SLC8A1: variants seen among roughly 807,000 people sequenced by gnomAD.
SLC8A1 encodes the protein sodium/calcium exchanger 1.
A neutral mutation model predicts 68.3 loss-of-function variants in SLC8A1; 18 were observed. That is an observed-to-expected ratio of 0.26 (90% CI 0.18 to 0.39). The LOEUF (loss-of-function observed/expected upper bound fraction) is 0.39, where lower values mean the gene tolerates loss of function less well. Ranked by LOEUF, SLC8A1 falls within the 10% of genes least tolerant of loss-of-function variation. SLC8A1 has a pLI of 1.00. For synonymous variants in SLC8A1, 475 were observed against 415.5 expected (o/e 1.14, Z -1.74); for missense variants, 985 against 1,156.7 (o/e 0.85, Z 2.15).
intron 1 of SLC8A1, among the ~76,000 whole-genome samples, chr2:40,443,107 G>C (rs1485148633): frequency 6.6e-6 from 1 of 152,086 alleles, no homozygotes; most frequent in Non-Finnish European, 1.5e-5. Context: ...CTTTCTGAGG[G>C]GTTGGGGGCA....
intron 2 of SLC8A1, among the ~76,000 whole-genome samples, chr2:40,313,587 G>T (rs1326260185): frequency 6.6e-6 from 1 of 151,854 alleles, no homozygotes; most frequent in African/African-American, 2.4e-5. Flanking sequence ...TTTTTTTAAT[G>T]AGACAGGTTC....
At chr2:40,500,880 A>G (rs1479185916) in intron 1 of SLC8A1, among the ~76,000 whole-genome samples, 1 of 135,542 alleles carries the variant, frequency 7.4e-6, no homozygotes, top group Admixed American at 8.9e-5. Context: ...GAACTTTTAC[A>G]AAGGTAAACT....
At chr2:40,213,157 T>A (rs1264953423) in intron 2 of SLC8A1, 1 of 152,242 alleles carries the variant, frequency 6.6e-6, no homozygotes, top group Non-Finnish European at 1.5e-5. Flanking sequence ...ACATTTCATG[T>A]CAAATTTCCA....
intron 6 of SLC8A1, among the ~76,000 whole-genome samples, chr2:40,147,038 A>G (rs1351848780): frequency 6.6e-6 from 1 of 152,242 alleles, no homozygotes; most frequent in Non-Finnish European, 1.5e-5. Context: ...AGCTTAAGCC[A>G]TTATGGTCTT....
At chr2:40,456,050 C>T (rs1702990419), upstream of SLC8A1, among the ~76,000 whole-genome samples, 1 of 152,216 alleles carries the variant, frequency 6.6e-6, no homozygotes, top group Non-Finnish European at 1.5e-5. Flanking sequence ...GGCGCGGTGG[C>T]TCACGCCTGT....
At chr2:40,400,151 C>A (rs1189796869) in intron 2 of SLC8A1, among the ~76,000 whole-genome samples, 2 of 152,188 alleles carry the variant, frequency 1.3e-5, no homozygotes, top group Non-Finnish European at 2.9e-5. Context: ...GAATTGCTCA[C>A]TCGGTGAGCT....
intron 2 of SLC8A1, among the ~76,000 whole-genome samples, chr2:40,197,904 C>T (rs2148683531): frequency 3.8e-5 from 2 of 53,070 alleles, no homozygotes; most frequent in South Asian, 8.6e-4. Context: ...AATGACTGTC[C>T]AGAAATGCTC....
chr2:40,310,078 G>A (rs967092458), intron 2 of SLC8A1, among the ~76,000 whole-genome samples: 59 of 152,048 alleles, frequency 3.9e-4, no homozygotes, highest in Admixed American at 3.8e-3. Flanking sequence ...TTTGTGTTTG[G>A]CTTCTTTCAC....
intron 2 of SLC8A1, among the ~76,000 whole-genome samples, chr2:40,388,441 C>T (rs956656889): frequency 1.2e-4 from 18 of 152,206 alleles, no homozygotes; most frequent in African/African-American, 4.3e-4. Flanking sequence ...AGAGAAAATA[C>T]TGAAGAGCAT....
rs150430418 is a variant in SLC8A1 at position 40,239,763 on chromosome 2, T to A, written c.1809-61908A>T. Among the ~76,000 whole-genome samples the A allele has an allele frequency of 4.7e-4, 72 of 152,340 alleles. 1 individual carries two copies. The East Asian group carries it at 0.013, about 27-fold the overall frequency. ...AAATTCTGAATGTGAATACCTGAATTTTCATTCCCCACTTACATTGTTACA... is the reference window on the plus strand; with the variant it reads ...AAATTCTGAATGTGAATACCTGAATATTCATTCCCCACTTACATTGTTACA... On this transcript the variant is annotated intron_variant, in intron 2 of 7. Transcript: ENST00000406785.
chr2:40,494,671 A>C (rs1392598176), intron 1 of SLC8A1, among the ~76,000 whole-genome samples: 1 of 103,510 alleles, frequency 9.7e-6, no homozygotes, highest in Admixed American at 9.4e-5. Flanking sequence ...ATATATATAT[A>C]TATATATATA....
At chr2:40,487,594 C>A (rs1287431960) in intron 1 of SLC8A1, among the ~76,000 whole-genome samples, 1 of 152,128 alleles carries the variant, frequency 6.6e-6, no homozygotes, top group African/African-American at 2.4e-5. Context: ...TATATTAACA[C>A]AGTAGTCGGG....
At chr2:40,390,937 T>C (rs1187979844) in intron 2 of SLC8A1, among the ~76,000 whole-genome samples, 1 of 152,090 alleles carries the variant, frequency 6.6e-6, no homozygotes, top group African/African-American at 2.4e-5. Flanking sequence ...ACAATAAATA[T>C]GGGAGCTACC....
At chr2:40,200,249 T>TATATATATAA (rs2054075999) in intron 2 of SLC8A1, among the ~76,000 whole-genome samples, 13 of 26,978 alleles carry the variant, frequency 4.8e-4, no homozygotes, top group African/African-American at 9.7e-4. Context: ...AATATATATA[T>TATATATATAA]ATATATATAT....
At chr2:40,197,546 G>A (rs914079642) in intron 2 of SLC8A1, among the ~76,000 whole-genome samples, 3 of 151,924 alleles carry the variant, frequency 2.0e-5, no homozygotes, top group Non-Finnish European at 4.4e-5. Context: ...AAAATTAGGT[G>A]CTTTCCCCCT....
At chr2:40,346,826 A>G (rs1338199344) in intron 2 of SLC8A1, among the ~76,000 whole-genome samples, 1 of 152,176 alleles carries the variant, frequency 6.6e-6, no homozygotes, top group African/African-American at 2.4e-5. Flanking sequence ...GTTTGGAATA[A>G]TTTTAAATTG....
At chr2:40,375,570 T>G (rs932804562) in intron 2 of SLC8A1, among the ~76,000 whole-genome samples, 1 of 152,128 alleles carries the variant, frequency 6.6e-6, no homozygotes, top group African/African-American at 2.4e-5. Context: ...CCAGGATCAT[T>G]ACCACAGATA....
chr2:40,365,180 G>A (rs1675746005), intron 2 of SLC8A1, among the ~76,000 whole-genome samples: 2 of 151,544 alleles, frequency 1.3e-5, no homozygotes, highest in South Asian at 4.2e-4. Context: ...AGGGTAGGCA[G>A]GAAAGATATT....
At chr2:40,207,748 G>C (rs1436428730) in intron 2 of SLC8A1, among the ~76,000 whole-genome samples, 1 of 152,138 alleles carries the variant, frequency 6.6e-6, no homozygotes, top group African/African-American at 2.4e-5. Context: ...TGGTTTAACG[G>C]TGTGTAGTGC....
Sources: allele counts gnomAD v4.1 joint callset (sites outside exome capture counted in the v4.1 genomes callset), GRCh38; gene constraint gnomAD v4.1.1; transcripts MANE v1.5; gene names NCBI Gene and HGNC (gene_info 2026-07-23, HGNC 2026-07-21).